Variants in ATRX observed in about 807,000 individuals in gnomAD.
ATRX encodes ATRX chromatin remodeler.
In ATRX, 12 loss-of-function variants were observed where a neutral mutation model predicts 172.6. That is an observed-to-expected ratio of 0.07 (90% confidence interval 0.04 to 0.11). ATRX has a LOEUF of 0.11. Ranked by LOEUF, ATRX falls within the 10% of genes least tolerant of loss-of-function variation. ATRX has a pLI of 1.00. For synonymous variants in ATRX, 674 were observed against 594.7 expected (o/e 1.13, Z -1.94); for missense variants, 1,368 against 1,767.4 (o/e 0.77, Z 4.05).
intron 1 of ATRX, among the ~76,000 whole-genome samples, chrX:77,777,175 A>G: frequency 1.0e-5 from 1 of 96,595 alleles, no homozygotes; most frequent in Admixed American, 1.2e-4. Context: ...CCAATGTGGT[A>G]AAACCCTGTC....
At chrX:77,572,511 A>AG (rs2065454359) in intron 28 of ATRX, among the ~76,000 whole-genome samples, 2 of 111,272 alleles carry the variant, frequency 1.8e-5, no homozygotes, top group Non-Finnish European at 3.8e-5. Context: ...TTCACTAGTG[A>AG]GTAAGCCAAG....
In ATRX at chrX:77,522,249, A is replaced by G. The variant is rs1293525623; in HGVS notation, c.6975+14T>C. On this transcript the variant is annotated intron_variant, in intron 32 of 34. Coordinates refer to ENST00000373344, the MANE Select transcript of ATRX (RefSeq NM_000489.6). ...TTAATTCATGTCAAACTACTTTTGT[A>G]CTTCACAACTCACCTCCAGCTGTTG... The G allele has an allele frequency of 8.3e-7, 1 of 1,210,553 alleles. No homozygotes were observed. The highest frequency in any genetic ancestry group is 2.2e-5 in the Admixed American group (1 of 45,991).
At chrX:77,593,444 C>T (rs1316462536) in intron 26 of ATRX, among the ~76,000 whole-genome samples, 1 of 110,091 alleles carries the variant, frequency 9.1e-6, no homozygotes, top group Admixed American at 9.8e-5. Flanking sequence ...AAGAGCTCTA[C>T]CCAAGGAAAT....
chrX:77,530,989 G>C (rs1306271367), intron 30 of ATRX, among the ~76,000 whole-genome samples: 2 of 112,382 alleles, frequency 1.8e-5, no homozygotes, highest in African/African-American at 3.2e-5. Context: ...ACAACCGTCA[G>C]AGAATAATAT....
At chrX:77,627,572 T>C (rs1011264404) in intron 19 of ATRX, among the ~76,000 whole-genome samples, 1 of 108,966 alleles carries the variant, frequency 9.2e-6, no homozygotes, top group African/African-American at 3.4e-5. Context: ...TCCAAAAAAT[T>C]AGTTGTGTGT....
chrX:77,686,690 G>C (rs1302924474), intron 7 of ATRX, among the ~76,000 whole-genome samples: 1 of 110,833 alleles, frequency 9.0e-6, no homozygotes, highest in Non-Finnish European at 1.9e-5. Flanking sequence ...ACTCCAGCCT[G>C]GGCAACAGAG....
intron 1 of ATRX, among the ~76,000 whole-genome samples, chrX:77,755,561 A>C (rs1557189711): frequency 9.0e-6 from 1 of 111,432 alleles, no homozygotes; most frequent in East Asian, 2.8e-4. Context: ...ATTGCTTTCT[A>C]TTTGTTAGTT....
chrX:77,679,284 G>A (rs925251770), intron 9 of ATRX, among the ~76,000 whole-genome samples: 3 of 110,590 alleles, frequency 2.7e-5, no homozygotes, highest in African/African-American at 6.6e-5. Context: ...AATATCCAGG[G>A]TAAAGAAAAT....
chrX:77,782,038 G>C (rs1438445413), intron 1 of ATRX, among the ~76,000 whole-genome samples: 1 of 112,074 alleles, frequency 8.9e-6, no homozygotes, highest in African/African-American at 3.2e-5. Flanking sequence ...ACTATGCCAA[G>C]GGTGGCCAAT....
intron 1 of ATRX, among the ~76,000 whole-genome samples, chrX:77,757,790 G>A (rs1294836008): frequency 9.2e-6 from 1 of 108,287 alleles, no homozygotes; most frequent in African/African-American, 3.4e-5. Context: ...TCCTCCCTCA[G>A]CCTCCCGAGT....
chrX:77,656,643 T>C lies in ATRX; in HGVS notation c.4131A>G (p.Glu1377=). 1 of 1,195,482 alleles carries C rather than the reference T, an allele frequency of 8.4e-7. No homozygotes were observed. The highest frequency in any genetic ancestry group is 1.1e-6 in the Non-Finnish European group (1 of 884,112). The change falls in exon 13 of 35, where the codon GAA becomes GAG. Residue 1377 remains glutamate (E), a synonymous_variant. Transcript: ENST00000373344. ...CCTGAAAATCAGAATCTTCTGAATC[T>C]TCACTGCTCACTTGAATTTTAAAAA... is the stretch of plus-strand genomic sequence containing the variant. ...KGRNRRKVSS[E]DSEDSDFQES...
chrX:77,529,908 C>T (rs185308725), intron 30 of ATRX, among the ~76,000 whole-genome samples: 45 of 112,052 alleles, frequency 4.0e-4, no homozygotes, highest in Admixed American at 2.2e-3. Flanking sequence ...AGAAAATTAA[C>T]GAGGATATTC....
intron 30 of ATRX, among the ~76,000 whole-genome samples, chrX:77,538,000 C>T (rs782785978): frequency 9.0e-6 from 1 of 110,629 alleles, no homozygotes; most frequent in South Asian, 3.9e-4. Flanking sequence ...CACATGAACA[C>T]GTTGAAGGGA....
At chrX:77,699,059 T>G (rs782370841) in intron 2 of ATRX, among the ~76,000 whole-genome samples, 2 of 110,004 alleles carry the variant, frequency 1.8e-5, no homozygotes, top group East Asian at 5.7e-4. Flanking sequence ...CAGAAATTCA[T>G]GAAACTAATG....
rs1374827341 is a variant in ATRX, at chrX:77,786,190, C to T, written c.-189G>A. 3 of 458,141 alleles carry T rather than the reference C, an allele frequency of 6.5e-6. No individual in the cohort carries two copies. Among genetic ancestry groups the T allele is most frequent in the African/African-American group, 2.4e-5 (1 of 41,199 alleles). 37.8% of individuals were successfully genotyped at this position (458,141 alleles called of 1,213,427 possible). A position where few individuals can be genotyped will look rare whatever the true frequency, so the allele number is the denominator to read the frequency against. On this transcript the variant is annotated 5_prime_UTR_variant, in exon 1 of 35. Coordinates refer to ENST00000373344, the MANE Select transcript of ATRX (RefSeq NM_000489.6). ...GAGCCGCGGAAACAAAGCGACACCG[C>T]TGCCGCCGCCATTTTGTTGGGCCGA...
Position 77,697,731 on chromosome X carries a change from T to C in ATRX, c.190-96A>G, listed in dbSNP as rs1027277436. ...CTATAGCAACTTCAATACAGTGATA[T>C]AATGAGATGCTATTTATGTGCCTAG... On this transcript the variant is annotated intron_variant, in intron 3 of 34. Transcript: ENST00000373344. 7.1e-6 allele frequency: 5 copies of C among 700,672 alleles called. No homozygotes were observed. In the African/African-American group the frequency reaches 8.6e-5, roughly 12 times the overall value. The allele number at this position is 700,672 out of a possible 1,213,427, so 57.7% of individuals were successfully genotyped here.
intron 22 of ATRX, among the ~76,000 whole-genome samples, chrX:77,614,576 T>C (rs782007772): frequency 8.9e-6 from 1 of 112,153 alleles, no homozygotes; most frequent in Non-Finnish European, 1.9e-5. Context: ...AGTGTTTTTT[T>C]AAAATTTTTA....
chrX:77,595,609 C>T (rs2066442449), intron 25 of ATRX: 1 of 110,803 alleles, frequency 9.0e-6, no homozygotes, highest in Admixed American at 9.6e-5. Flanking sequence ...CAGAACTCTC[C>T]AACTTATAGA....
chrX:77,648,897 G>A (rs1557115275), intron 15 of ATRX, among the ~76,000 whole-genome samples: 2 of 111,394 alleles, frequency 1.8e-5, no homozygotes, highest in Admixed American at 9.6e-5. Context: ...TGCCAGGTGT[G>A]GAGGCTCCCT....
Sources: allele counts gnomAD v4.1 joint callset (sites outside exome capture counted in the v4.1 genomes callset), GRCh38; gene constraint gnomAD v4.1.1; transcripts MANE v1.5; gene names NCBI Gene and HGNC (gene_info 2026-07-23, HGNC 2026-07-21).